The following TBC1D7 variants were observed in gnomAD, a reference collection of about 807,000 sequenced individuals.
The protein encoded by TBC1D7 is TBC domain family 7.
A neutral mutation model predicts 35.3 loss-of-function variants in TBC1D7; 33 were observed. The ratio of observed to expected loss-of-function variants is 0.93; its 90% confidence interval spans 0.71 to 1.25. TBC1D7 has a LOEUF of 1.25. Ranked by LOEUF, TBC1D7 falls within the 50% of genes most tolerant of loss-of-function variation. The probability of loss-of-function intolerance (pLI) is 0.00; values close to 1 mark genes in which losing one functional copy is unlikely to be tolerated. For synonymous variants in TBC1D7, 135 were observed against 129.5 expected, an observed-to-expected ratio of 1.04 and a Z score of -0.29; for missense variants, 362 against 365.3, an observed-to-expected ratio of 0.99 and a Z score of 0.07.
intron 5 of TBC1D7, among the ~76,000 whole-genome samples, chr6:13,315,826 G>T (rs1426653201): frequency 6.6e-6 from 1 of 152,228 alleles, no homozygotes; most frequent in Non-Finnish European, 1.5e-5. Context: ...GTTAGGTTTT[G>T]GGGGAGTCAA....
intron 5 of TBC1D7, among the ~76,000 whole-genome samples, chr6:13,310,113 T>A (rs1276807229): frequency 6.6e-6 from 1 of 152,196 alleles, no homozygotes; most frequent in African/African-American, 2.4e-5. Flanking sequence ...AATTTGGCAA[T>A]ATTTAGCAAA....
chr6:13,315,503 CAGG>C (rs1783539987), intron 5 of TBC1D7, among the ~76,000 whole-genome samples: 1 of 152,204 alleles, frequency 6.6e-6, no homozygotes, highest in South Asian at 2.1e-4. Flanking sequence ...AACCTGAGGT[CAGG>C]AGTTCAAGAC....
intron 5 of TBC1D7, among the ~76,000 whole-genome samples, chr6:13,311,118 T>C (rs1236694654): frequency 6.6e-6 from 1 of 152,230 alleles, no homozygotes; most frequent in African/African-American, 2.4e-5. Context: ...ATATTAAACT[T>C]AGCAAGAAGC....
At chr6:13,305,345 A>C (rs1395132203) in intron 7 of TBC1D7, among the ~76,000 whole-genome samples, 158 bp from the exon 8 acceptor site, 3 of 152,244 alleles carry the variant, frequency 2.0e-5, no homozygotes, top group Admixed American at 6.5e-5. Flanking sequence ...ACCTGAGGAC[A>C]TGAAAGGGCT....
At chr6:13,309,320 CTATG>C (rs1783032210) in intron 5 of TBC1D7, among the ~76,000 whole-genome samples, 1 of 152,142 alleles carries the variant, frequency 6.6e-6, no homozygotes, top group Non-Finnish European at 1.5e-5. Context: ...CATTTTAAAA[CTATG>C]TATTGTCTTT....
intron 3 of TBC1D7, among the ~76,000 whole-genome samples, chr6:13,321,744 C>T (rs1167700309): frequency 6.6e-6 from 1 of 152,138 alleles, no homozygotes; most frequent in African/African-American, 2.4e-5. Flanking sequence ...TAGCCTCGGA[C>T]TGGATAATAC....
chr6:13,313,389 G>C (rs1308199453), intron 5 of TBC1D7, among the ~76,000 whole-genome samples: 1 of 152,240 alleles, frequency 6.6e-6, no homozygotes, highest in African/African-American at 2.4e-5. Context: ...TGGCAATGGG[G>C]TGGAAAATGG....
Position 13,326,904 on chromosome 6 carries a change from A to G in TBC1D7, c.-6T>C, listed in dbSNP as rs777235220. The G allele has an allele frequency of 6.4e-7, 1 of 1,561,910 alleles. No homozygotes were observed. Among genetic ancestry groups the G allele is most frequent in the East Asian group, 2.3e-5 (1 of 44,104 alleles). On this transcript the variant is annotated splice_region_variant and 5_prime_UTR_variant, in exon 2 of 8. It removes an upstream start codon present in the reference 5' UTR. Coordinates refer to ENST00000379300, the MANE Select transcript of TBC1D7 (RefSeq NM_016495.6). ...CTCTGAGAGTCCTCAGTCATATTTC[A>G]TTCTTGGAGGAGACACAGAAAGACA...
At chr6:13,322,230 G>C (rs576426004) in intron 3 of TBC1D7, among the ~76,000 whole-genome samples, 20 of 150,404 alleles carry the variant, frequency 1.3e-4, no homozygotes, top group African/African-American at 3.7e-4. Context: ...CGCCAGCCTA[G>C]AAAACAGAGT....
rs371356045 is a variant in TBC1D7 at position 13,322,703 on chromosome 6, T to C, written c.194-1608A>G. 2.5e-3 allele frequency among the ~76,000 whole-genome samples: 383 copies of C among 152,312 alleles called. 4 individuals carry two copies. The highest frequency in any genetic ancestry group is 8.8e-3 in the African/African-American group (364 of 41,564). ...GAAAAAAAACTTGCTTAAATGTTCTTTTCCCTGAAAGAAATCTTTACTCAT... is the reference window on the plus strand; with the variant it reads ...GAAAAAAAACTTGCTTAAATGTTCTCTTCCCTGAAAGAAATCTTTACTCAT... On this transcript the variant is annotated intron_variant, in intron 3 of 7. Coordinates refer to ENST00000379300, the MANE Select transcript of TBC1D7 (RefSeq NM_016495.6).
chr6:13,312,031 G>A (rs1265019517), intron 5 of TBC1D7, among the ~76,000 whole-genome samples: 5 of 152,042 alleles, frequency 3.3e-5, no homozygotes, highest in Admixed American at 6.6e-5. Context: ...TTTCAAATCC[G>A]TGGAAAAAGG....
chr6:13,312,652 A>G (rs1415413760), intron 5 of TBC1D7, among the ~76,000 whole-genome samples: 4 of 150,302 alleles, frequency 2.7e-5, no homozygotes, highest in African/African-American at 4.9e-5. Context: ...AGATCGCACC[A>G]CTGCACTCCA....
rs1272168476 is a variant in TBC1D7 at position 13,325,146 on chromosome 6, C to A, written c.141G>T (p.Gln47His). 1 of 1,613,726 alleles carries A rather than the reference C, an allele frequency of 6.2e-7. No homozygotes were observed. The highest frequency in any genetic ancestry group is 8.5e-7 in the Non-Finnish European group (1 of 1,179,758). The change falls in exon 3 of 8, where the codon CAG becomes CAT. Residue 47 changes from glutamine to histidine, a missense_variant. Gln to His is a conservative substitution (Grantham distance 24). Transcript: ENST00000379300. ...LDTEKLCTFS[Q>H]RFPLPSMYRA... The stretch of plus-strand genomic sequence containing the variant: ...GGTACATGGACGGGAGAGGGAACCT[C>A]TGACTAAAAGTACAAAGTTTCTCAG...
In TBC1D7 at chr6:13,326,670, C is replaced by T. The variant is rs1371674961; in HGVS notation, c.112+117G>A. On this transcript the variant is annotated intron_variant, in intron 2 of 7. Transcript: ENST00000379300. ...CAAAATACACCATTCTGCTTCACCA[C>T]ATCACTAAAAAATACAGCAAGTAAC... 5.2e-6 allele frequency: 3 copies of T among 577,646 alleles called. No individual in the cohort carries two copies. The South Asian group carries it at 8.0e-5, about 15-fold the overall frequency. The allele number at this position is 577,646 out of a possible 1,614,324, so 35.8% of individuals were successfully genotyped here. A position where few individuals can be genotyped will look rare whatever the true frequency, so the allele number is the denominator to read the frequency against.
chr6:13,323,829 A>T (rs549412849), intron 3 of TBC1D7: 8 of 152,244 alleles, frequency 5.3e-5, no homozygotes, highest in Non-Finnish European at 1.0e-4. Context: ...AATCTATCTT[A>T]CCTTCAAATG....
At chr6:13,308,601 G>A (rs2439539) in intron 5 of TBC1D7, among the ~76,000 whole-genome samples, 45,913 of 152,038 alleles carry the variant, frequency 0.3, 7,238 homozygotes, top group South Asian at 0.46. Flanking sequence ...GGCTCTAAGA[G>A]TCAAATCCTA....
At chr6:13,310,637 C>CAAAAAAAAAAAAAAAAAAA (rs546122443) in intron 5 of TBC1D7, among the ~76,000 whole-genome samples, 52 of 72,874 alleles carry the variant, frequency 7.1e-4, no homozygotes, top group Admixed American at 1.2e-3. Flanking sequence ...GACTCCGTCT[C>CAAAAAAAAAAAAAAAAAAA]AAAAAAAAAA....
chr6:13,324,993 A>G, intron 3 of TBC1D7, 101 bp downstream of exon 3: 1 of 809,558 alleles, frequency 1.2e-6, no homozygotes, highest in South Asian at 1.8e-5. Flanking sequence ...TATTCAGTAA[A>G]AGGCCTAAAC....
chr6:13,312,781 C>CA (rs766502679), intron 5 of TBC1D7, among the ~76,000 whole-genome samples: 81 of 116,190 alleles, frequency 7.0e-4, no homozygotes, highest in Non-Finnish European at 1.0e-3. Flanking sequence ...CAGTAAGACA[C>CA]AAAAAAGCAA....
Sources: allele counts gnomAD v4.1 joint callset (sites outside exome capture counted in the v4.1 genomes callset), GRCh38; gene constraint gnomAD v4.1.1; transcripts MANE v1.5; gene names NCBI Gene and HGNC (gene_info 2026-07-23, HGNC 2026-07-21).